The following SCN8A variants were observed in gnomAD, a reference collection of about 807,000 sequenced individuals.
The protein encoded by SCN8A is sodium voltage-gated channel alpha subunit 8.
A neutral mutation model predicts 184.1 loss-of-function variants in SCN8A; 30 were observed. The ratio of observed to expected loss-of-function variants is 0.16; its 90% CI spans 0.12 to 0.22. The LOEUF is 0.22. Among genes scored for constraint, SCN8A ranks in the 10% least tolerant of loss-of-function variants. SCN8A has a pLI of 1.00. For missense variants in SCN8A, 1,057 were observed against 2,498.9 expected (o/e 0.42, Z 12.30); for synonymous variants, 852 against 907.0 (o/e 0.94, Z 1.09).
At chr12:51,630,779 G>T (rs1940180626) in intron 1 of SCN8A, among the ~76,000 whole-genome samples, 2 of 151,888 alleles carry the variant, frequency 1.3e-5, no homozygotes, top group African/African-American at 4.8e-5. Flanking sequence ...CCCAAGCAGA[G>T]ACTAATGAAT....
At chr12:51,711,750 T>C (rs1941881619) in intron 11 of SCN8A, among the ~76,000 whole-genome samples, 3 of 151,604 alleles carry the variant, frequency 2.0e-5, no homozygotes. Flanking sequence ...ATTTTTTTCA[T>C]TTGAAGGTAA....
At chr12:51,595,086 CAACA>C (rs1592316852) in intron 1 of SCN8A, among the ~76,000 whole-genome samples, 1 of 152,106 alleles carries the variant, frequency 6.6e-6, no homozygotes, top group East Asian at 1.9e-4. Flanking sequence ...ATCAATGAAT[CAACA>C]AATAGTCTCA....
chr12:51,774,390 C>A (rs534648686), intron 20 of SCN8A, 28 bp downstream of exon 20: 20 of 1,573,226 alleles, frequency 1.3e-5, no homozygotes, highest in South Asian at 1.2e-4. Context: ...TGTTTCCCAC[C>A]CCTTCCAGCA....
chr12:51,651,361 G>A (rs1284727494), intron 1 of SCN8A, among the ~76,000 whole-genome samples: 1 of 152,096 alleles, frequency 6.6e-6, no homozygotes, highest in Non-Finnish European at 1.5e-5. Flanking sequence ...CCGCTACCAC[G>A]CCTGGCTAAT....
rs571514171 is a variant in SCN8A, at chr12:51,644,927, C to T, written c.-54-17837C>T. Reference sequence around the variant, plus strand: ...GTGAGGAGACCCTCCGCCCGGCAGCCGCCCTGTCTGAGAAGTGAGGAGCCC... The same window carrying T: ...GTGAGGAGACCCTCCGCCCGGCAGCTGCCCTGTCTGAGAAGTGAGGAGCCC... On this transcript the variant is annotated intron_variant, in intron 1 of 26. Coordinates refer to ENST00000627620, the MANE Select transcript of SCN8A (RefSeq NM_001330260.2). Among the ~76,000 whole-genome samples the T allele has an allele frequency of 1.7e-4, 26 of 151,222 alleles. 1 individual carries two copies. The South Asian group carries it at 3.8e-3, about 22-fold the overall frequency.
intron 25 of SCN8A, 42 bp from the exon 26 acceptor site, chr12:51,794,329 G>T (rs780522658): frequency 1.3e-6 from 2 of 1,576,636 alleles, no homozygotes; most frequent in Admixed American, 3.5e-5. Flanking sequence ...GCTTGGAAAG[G>T]TTTTCATGAA....
chr12:51,791,191 CT>C (rs1389390515), intron 25 of SCN8A, among the ~76,000 whole-genome samples: 10 of 152,126 alleles, frequency 6.6e-5, no homozygotes, highest in Non-Finnish European at 1.2e-4. Flanking sequence ...CATTTAGCAA[CT>C]TTAAAAAACA....
At chr12:51,608,645 T>C (rs867111168) in intron 1 of SCN8A, among the ~76,000 whole-genome samples, 1 of 152,230 alleles carries the variant, frequency 6.6e-6, no homozygotes, top group Non-Finnish European at 1.5e-5. Flanking sequence ...TCTAGGCTAA[T>C]CTTGCTAAAA....
chr12:51,746,466 C>G (rs1022954348), intron 13 of SCN8A, among the ~76,000 whole-genome samples: 5 of 152,148 alleles, frequency 3.3e-5, no homozygotes, highest in Non-Finnish European at 7.3e-5. Context: ...ACTTACAGCC[C>G]TTTTGGTTTT....
chr12:51,766,310 T>C, intron 16 of SCN8A: 2 of 481,954 alleles, frequency 4.1e-6, no homozygotes, highest in Non-Finnish European at 7.5e-6. Flanking sequence ...AATATAGGGC[T>C]TGTATTTGAA....
chr12:51,596,266 ACT>A (rs1192708362), intron 1 of SCN8A, among the ~76,000 whole-genome samples: 1 of 152,034 alleles, frequency 6.6e-6, no homozygotes, highest in Non-Finnish European at 1.5e-5. Flanking sequence ...GGTAAATGTT[ACT>A]CTGTGTTTGT....
rs946826858 is a variant in SCN8A at position 51,706,580 on chromosome 12, A to G, written c.1500A>G (p.Gln500=). ...GTAACAGGAGAAAGAAGAGGAAGCA[A>G]AAGGAACTCTCTGAAGGAGAGGAGA... is the stretch of plus-strand genomic sequence containing the variant. ...ERRNRRKKRK[Q]KELSEGEEKG... The change falls in exon 11 of 27, where the codon CAA becomes CAG. Residue 500 remains glutamine (Q), a synonymous_variant. Transcript: ENST00000627620. The G allele has an allele frequency of 1.2e-6, 2 of 1,608,802 alleles. No homozygotes were observed. The highest frequency in any genetic ancestry group is 1.7e-6 in the Non-Finnish European group (2 of 1,177,470).
chr12:51,597,298 G>C (rs1939369700), intron 1 of SCN8A, among the ~76,000 whole-genome samples: 1 of 152,138 alleles, frequency 6.6e-6, no homozygotes, highest in Admixed American at 6.5e-5. Flanking sequence ...GCATGTCCCA[G>C]GATCTGGAAG....
intron 1 of SCN8A, among the ~76,000 whole-genome samples, chr12:51,640,786 C>T (rs1370650904): frequency 6.6e-6 from 1 of 152,200 alleles, no homozygotes; most frequent in Non-Finnish European, 1.5e-5. Flanking sequence ...GGTTACTGTA[C>T]CATCCTTGAG....
intron 25 of SCN8A, among the ~76,000 whole-genome samples, chr12:51,792,645 G>GTC (rs1938295037): frequency 6.6e-6 from 1 of 152,116 alleles, no homozygotes; most frequent in Admixed American, 6.6e-5. Context: ...TGTGCCAGGT[G>GTC]TCTCCCCGTA....
chr12:51,660,486 C>T (rs755901144), intron 1 of SCN8A, among the ~76,000 whole-genome samples: 2 of 152,190 alleles, frequency 1.3e-5, no homozygotes, highest in Non-Finnish European at 2.9e-5. Context: ...CATTTGGTCT[C>T]ATTATGGGTT....
At position 51,633,680 on chromosome 12, in the gene SCN8A, G is replaced by A. The variant is rs116323805; in HGVS notation, c.-54-29084G>A. On this transcript the variant is annotated intron_variant, in intron 1 of 26. Transcript: ENST00000627620. ...GTTGGGGTGTACTCACTGTTGGATC[G>A]TTTCTGTACCACTGTGTGTCTGTTC... Among the ~76,000 whole-genome samples, 627 of 152,244 alleles carry A rather than the reference G, an allele frequency of 4.1e-3. 5 individuals are homozygous for A. Among genetic ancestry groups the A allele is most frequent in the African/African-American group, 0.014 (602 of 41,538 alleles).
Position 51,778,243 on chromosome 12 carries a change from G to A in SCN8A, c.3820-2406G>A, listed in dbSNP as rs75774452. Among the ~76,000 whole-genome samples the A allele has an allele frequency of 7.8e-3, 1,180 of 152,222 alleles. 24 individuals carry two copies. The highest frequency in any genetic ancestry group is 0.027 in the African/African-American group (1,126 of 41,520). The stretch of plus-strand genomic sequence containing the variant: ...AGATAACTACACTGGTGGATTATGA[G>A]CACATGCATAGATCAAGGTCCATAT... On this transcript the variant is annotated intron_variant, in intron 20 of 26. Coordinates refer to ENST00000627620, the MANE Select transcript of SCN8A (RefSeq NM_001330260.2).
In SCN8A at chr12:51,765,991, T is replaced by C; in HGVS notation, c.2865T>C (p.Ile955=). 6.2e-7 allele frequency: 1 copy of C among 1,614,142 alleles called. No individual in the cohort carries two copies. The highest frequency in any genetic ancestry group is 8.5e-7 in the Non-Finnish European group (1 of 1,180,022). The change falls in exon 16 of 27, where the codon ATT becomes ATC. Residue 955 remains isoleucine (I), a synonymous_variant. Transcript: ENST00000627620. ...MEVAGQAMCL[I]VFMMVMVIGN... The stretch of plus-strand genomic sequence containing the variant: ...TGGCAGGCCAGGCCATGTGCCTCAT[T>C]GTCTTTATGATGGTCATGGTGATTG...
Sources: allele counts gnomAD v4.1 joint callset (sites outside exome capture counted in the v4.1 genomes callset), GRCh38; gene constraint gnomAD v4.1.1; transcripts MANE v1.5; gene names NCBI Gene and HGNC (gene_info 2026-07-23, HGNC 2026-07-21).